Variants in NEDD9 observed in about 807,000 individuals in gnomAD.
The protein encoded by NEDD9 is neural precursor cell expressed, developmentally down-regulated 9.
Under a neutral mutation model 76.6 loss-of-function variants are expected in NEDD9, and 26 were observed. The observed-to-expected ratio is 0.34, with a 90% CI of 0.25 to 0.47. The LOEUF is 0.47. Ranked by LOEUF, NEDD9 falls within the 20% of genes least tolerant of loss-of-function variation. NEDD9 has a pLI of 1.00. For missense variants in NEDD9, 937 were observed against 1,058.5 expected, an observed-to-expected ratio of 0.89 and a Z score of 1.59; for synonymous variants, 392 against 414.2, an observed-to-expected ratio of 0.95 and a Z score of 0.65.
At chr6:11,249,016 C>T in intron 3 of NEDD9, 1 of 421,412 alleles carries the variant, frequency 2.4e-6, no homozygotes, top group South Asian at 1.8e-5. Context: ...GCCAGTGACT[C>T]ACCAGTTTTC....
At chr6:11,356,625 C>T (rs1762580234) in intron 1 of NEDD9, among the ~76,000 whole-genome samples, 1 of 152,074 alleles carries the variant, frequency 6.6e-6, no homozygotes, top group Non-Finnish European at 1.5e-5. Context: ...TCCTAAGATA[C>T]TCCCAGGTGG....
chr6:11,381,649 G>A (rs890575100), intron 1 of NEDD9, among the ~76,000 whole-genome samples: 5 of 152,194 alleles, frequency 3.3e-5, no homozygotes. Context: ...AATGACTACA[G>A]GGATAGGACA....
chr6:11,259,255 CAG>C (rs2113320681), intron 3 of NEDD9, among the ~76,000 whole-genome samples: 1 of 152,324 alleles, frequency 6.6e-6, no homozygotes, highest in East Asian at 1.9e-4. Flanking sequence ...CCTGCTTACT[CAG>C]AAATATTCTC....
rs1245021907 is a variant in NEDD9, at chr6:11,252,982, C to T, written c.13-39255G>A. On this transcript the variant is annotated intron_variant, in intron 3 of 3. Transcript: ENST00000397378. This position sits in a 1 kb window ranked among gnomAD's most constrained non-coding sequence, Gnocchi z 4.3. ...GTTTTTAATGCTTTCCTGGCAGTTG[C>T]CTAAGAACAAAACATTATCTTGTGG... 6.6e-6 allele frequency among the ~76,000 whole-genome samples: 1 copy of T among 151,854 alleles called. No homozygotes were observed. Among genetic ancestry groups the T allele is most frequent in the African/African-American group, 2.4e-5 (1 of 41,336 alleles).
intron 6 of NEDD9, among the ~76,000 whole-genome samples, chr6:11,186,905 C>T (rs771436152): frequency 1.7e-4 from 26 of 152,160 alleles, no homozygotes; most frequent in Non-Finnish European, 2.8e-4. Flanking sequence ...TGTGAGCCAC[C>T]GTGCCCAGCC....
intron 2 of NEDD9, among the ~76,000 whole-genome samples, chr6:11,319,402 A>C (rs916956197): frequency 6.6e-6 from 1 of 151,568 alleles, no homozygotes; most frequent in African/African-American, 2.4e-5. Context: ...ACACACACTC[A>C]TGCACCCTCA....
At chr6:11,343,753 G>A (rs912400108) in intron 1 of NEDD9, among the ~76,000 whole-genome samples, 6 of 152,150 alleles carry the variant, frequency 3.9e-5, no homozygotes, top group Non-Finnish European at 5.9e-5. Flanking sequence ...GAGTAGACAG[G>A]CTAAAATCAT....
At chr6:11,269,168 T>C (rs558293785) in intron 3 of NEDD9, among the ~76,000 whole-genome samples, 4 of 152,344 alleles carry the variant, frequency 2.6e-5, no homozygotes, top group Admixed American at 2.0e-4. Flanking sequence ...GAACTTCTGC[T>C]CCTTCAGTTC....
chr6:11,279,722 G>A (rs1760495446), intron 3 of NEDD9, among the ~76,000 whole-genome samples: 1 of 152,102 alleles, frequency 6.6e-6, no homozygotes, highest in Non-Finnish European at 1.5e-5. Context: ...TGAGAAGCCG[G>A]GGCCAGGCAA....
intron 3 of NEDD9, among the ~76,000 whole-genome samples, chr6:11,295,969 G>T (rs537652921): frequency 1.3e-5 from 2 of 152,176 alleles, no homozygotes; most frequent in Admixed American, 6.5e-5. Context: ...AACTCCAAAT[G>T]TGACTGTGTT....
intron 1 of NEDD9, among the ~76,000 whole-genome samples, chr6:11,216,377 A>C (rs574521772): frequency 1.4e-4 from 21 of 152,366 alleles, no homozygotes; most frequent in Admixed American, 1.3e-3. Context: ...TTACGGCTCC[A>C]GGGACCTTTA....
In NEDD9 at chr6:11,209,968, G is replaced by GTATTTTTTTTTTTT. The variant is rs1554125203; in HGVS notation, c.459+3312_459+3313insAAAAAAAAAAAATA. 4.6e-5 allele frequency among the ~76,000 whole-genome samples: 3 copies of GTATTTTTTTTTTTT among 65,456 alleles called. No homozygotes were observed. The South Asian group carries it at 1.8e-3, about 39-fold the overall frequency. The allele number at this position is 65,456 out of a possible 152,430, so 42.9% of individuals were successfully genotyped here. A position where few individuals can be genotyped will look rare whatever the true frequency, so the allele number is the denominator to read the frequency against. On this transcript the variant is annotated intron_variant, in intron 2 of 6. Coordinates refer to ENST00000379446, the MANE Select transcript of NEDD9 (RefSeq NM_006403.4). The stretch of plus-strand genomic sequence containing the variant: ...GAAGTGATAGAAGGCAGAATTCACT[G>GTATTTTTTTTTTTT]TCTTTTTTTTTTCCTTAAGTGATTC...
At chr6:11,248,222 AG>A (rs1475016921) in intron 3 of NEDD9, among the ~76,000 whole-genome samples, 2 of 152,068 alleles carry the variant, frequency 1.3e-5, no homozygotes, top group Non-Finnish European at 2.9e-5. Flanking sequence ...AGATTTGAGA[AG>A]GAAAAAAAAA....
At chr6:11,287,620 T>C (rs1357361860) in intron 3 of NEDD9, among the ~76,000 whole-genome samples, 4 of 152,150 alleles carry the variant, frequency 2.6e-5, no homozygotes, top group African/African-American at 9.7e-5. Flanking sequence ...ATATTCTTCA[T>C]CCCCTTCATC....
intron 1 of NEDD9, among the ~76,000 whole-genome samples, chr6:11,218,345 CTTTTTTT>C (rs35407775): frequency 7.1e-6 from 1 of 141,066 alleles, no homozygotes; most frequent in Non-Finnish European, 1.5e-5. Context: ...TCTTCAGCAA[CTTTTTTT>C]TTTTTTTTTT....
chr6:11,344,358 A>G (rs1014847391), intron 1 of NEDD9, among the ~76,000 whole-genome samples: 1 of 152,214 alleles, frequency 6.6e-6, no homozygotes, highest in Non-Finnish European at 1.5e-5. Flanking sequence ...GAAAGAGGGC[A>G]CCTTCAAAGT....
Position 11,191,072 on chromosome 6 carries a change from G to C in NEDD9, c.797C>G (p.Thr266Ser), listed in dbSNP as rs1296843351. ...GTCCTTCCCTGCTGGCTTGGTGCAG[G>C]TTGGAGGAATGTCATAAACCCCCTC... ...RPEGVYDIPP[T>S]CTKPAGKDLH... The change falls in exon 5 of 7, where the codon ACC (threonine) becomes AGC (serine). Residue 266 changes from threonine to serine, a missense_variant. Transcript: ENST00000379446. 6.2e-7 allele frequency: 1 copy of C among 1,613,882 alleles called. No individual in the cohort carries two copies. Among genetic ancestry groups the C allele is most frequent in the Non-Finnish European group, 8.5e-7 (1 of 1,180,014 alleles).
At chr6:11,189,448 T>C (rs1442197257) in intron 5 of NEDD9, among the ~76,000 whole-genome samples, 1 of 152,214 alleles carries the variant, frequency 6.6e-6, no homozygotes, top group African/African-American at 2.4e-5. Flanking sequence ...AAAGCAATTA[T>C]ACACACACAT....
chr6:11,201,878 T>C (rs1373757961), intron 2 of NEDD9, among the ~76,000 whole-genome samples: 1 of 152,202 alleles, frequency 6.6e-6, no homozygotes, highest in Non-Finnish European at 1.5e-5. Flanking sequence ...ATAGCCTGAA[T>C]TGTGCAATCC....
Sources: allele counts gnomAD v4.1 joint callset (sites outside exome capture counted in the v4.1 genomes callset), GRCh38; gene constraint gnomAD v4.1.1; non-coding constraint Gnocchi (gnomAD v3.1); transcripts MANE v1.5; gene names NCBI Gene and HGNC (gene_info 2026-07-23, HGNC 2026-07-21).